ERCC2: variants seen among roughly 807,000 people sequenced by gnomAD.
The protein encoded by ERCC2 is ERCC excision repair 2, TFIIH core complex helicase subunit, also known as general transcription and DNA repair factor IIH helicase subunit XPD.
In ERCC2, 90 loss-of-function variants were observed where a neutral mutation model predicts 99.4. That is an observed-to-expected ratio of 0.91 (90% CI 0.76 to 1.08). The LOEUF is 1.08. Ranked by LOEUF, ERCC2 falls within the 50% of genes least tolerant of loss-of-function variation. ERCC2 has a pLI of 0.00. For synonymous variants in ERCC2, 497 were observed against 432.4 expected, an observed-to-expected ratio of 1.15 and a Z score of -1.85; for missense variants, 993 against 1,038.1, an observed-to-expected ratio of 0.96 and a Z score of 0.60.
At position 45,363,796 on chromosome 19, in the gene ERCC2, G is replaced by A. The variant is rs1972312775; in HGVS notation, c.1065C>T (p.Pro355=). 4 of 1,539,494 alleles carry A rather than the reference G, an allele frequency of 2.6e-6. No individual in the cohort carries two copies. Among genetic ancestry groups the A allele is most frequent in the Non-Finnish European group, 3.5e-6 (4 of 1,148,956 alleles). The part of the protein sequence containing the change: ...RVQHVVQESP[P]AFLSGLAQRV... ...GCTGGGCCAGGCCGCTCAGGAAGGCGGGCGGGCTCTCCTGCACCACATGCT... is the reference window on the plus strand; with the variant it reads ...GCTGGGCCAGGCCGCTCAGGAAGGCAGGCGGGCTCTCCTGCACCACATGCT... Residue 355 remains proline, a synonymous_variant, in exon 11 of 23, where the codon CCC becomes CCT. Transcript: ENST00000391945.
chr19:45,350,987 C>T lies in ERCC2; in HGVS notation c.*642G>A, dbSNP rs771930054. On this transcript the variant is annotated 3_prime_UTR_variant, in exon 23 of 23. Transcript: ENST00000391945. ...GAGCCATGTCACTCAACACACTGAACGTGGATGCTCCAAGGGCTCCTGGGA... is the reference window on the plus strand; with the variant it reads ...GAGCCATGTCACTCAACACACTGAATGTGGATGCTCCAAGGGCTCCTGGGA... 2.1e-5 allele frequency: 34 copies of T among 1,613,998 alleles called. No homozygotes were observed. The highest frequency in any genetic ancestry group is 6.7e-5 in the East Asian group (3 of 44,888).
chr19:45,352,139 G>A, intron 22 of ERCC2, 70 bp downstream of exon 22: 1 of 1,554,216 alleles, frequency 6.4e-7, no homozygotes, highest in African/African-American at 1.4e-5. Context: ...GGAGTGGGGA[G>A]AATCCAAGGG....
chr19:45,351,449 C>A lies in ERCC2; in HGVS notation c.*180G>T. 2.5e-6 allele frequency: 4 copies of A among 1,583,082 alleles called. No homozygotes were observed. The highest frequency in any genetic ancestry group is 3.4e-6 in the Non-Finnish European group (4 of 1,168,018). ...AGAGGGGGTCTATCATCTCCTGGCCCCCCCTTGCCTCTGGGTACCTGGTGG... is the reference window on the plus strand; with the variant it reads ...AGAGGGGGTCTATCATCTCCTGGCCACCCCTTGCCTCTGGGTACCTGGTGG... On this transcript the variant is annotated 3_prime_UTR_variant, in exon 23 of 23. Transcript: ENST00000391945.
At position 45,363,800 on chromosome 19, in the gene ERCC2, G is replaced by A. The variant is rs1972313000; in HGVS notation, c.1061C>T (p.Pro354Leu). ...GGCCAGGCCGCTCAGGAAGGCGGGCGGGCTCTCCTGCACCACATGCTGCAC... is the reference window on the plus strand; with the variant it reads ...GGCCAGGCCGCTCAGGAAGGCGGGCAGGCTCTCCTGCACCACATGCTGCAC... ...LRVQHVVQES[P>L]PAFLSGLAQR... is the part of the protein sequence containing the mutation. Residue 354 changes from proline to leucine, a missense_variant, in exon 11 of 23, where the codon CCG becomes CTG. Pro to Leu is a moderately conservative substitution (Grantham distance 98, BLOSUM62 -3). This residue lies in a region of ERCC2 where 909 missense variants were observed against 930.8 expected (regional missense o/e 0.98). Transcript: ENST00000391945. 5 of 1,539,746 alleles carry A rather than the reference G, an allele frequency of 3.2e-6. No individual in the cohort carries two copies. Among genetic ancestry groups the A allele is most frequent in the Non-Finnish European group, 4.4e-6 (5 of 1,149,128 alleles).
Position 45,350,925 on chromosome 19 carries a change from T to TCATTTCCTCC in ERCC2, c.*694_*703dup, listed in dbSNP as rs1568528484. Reference sequence around the variant, plus strand: ...GGAGGGGGGCCACTCCTGGATTCACTCATTTCCTCCCTGCTGCCCTCTTTG... The same window carrying TCATTTCCTCC: ...GGAGGGGGGCCACTCCTGGATTCACTCATTTCCTCCCATTTCCTCCCTGCTGCCCTCTTTG... On this transcript the variant is annotated 3_prime_UTR_variant, in exon 23 of 23. Transcript: ENST00000391945. The TCATTTCCTCC allele has an allele frequency of 6.2e-7, 1 of 1,610,100 alleles. No homozygotes were observed. The highest frequency in any genetic ancestry group is 8.5e-7 in the Non-Finnish European group (1 of 1,177,092).
chr19:45,353,745 C>T (rs1160780768), intron 17 of ERCC2, among the ~76,000 whole-genome samples: 1 of 152,198 alleles, frequency 6.6e-6, no homozygotes, highest in East Asian at 1.9e-4. Flanking sequence ...CACACAGCCA[C>T]CTGTGCAGTT....
Position 45,353,108 on chromosome 19 carries a change from GC to G in ERCC2, c.1805del (p.Gly602AlafsTer107). Reference protein sequence around the residue: ...RGAILLSVARGKVSEGIDFVH... With the variant: ...RGAILLSVARXKVSEGIDFVH... ...CAAAGTCGATTCCCTCGGACACTTTGCCCCGGGCCACTGACAGCAGGATGGC... is the reference window on the plus strand; with the variant it reads ...CAAAGTCGATTCCCTCGGACACTTTGCCCGGGCCACTGACAGCAGGATGGC... On this transcript the variant is annotated frameshift_variant, in exon 19 of 23. Transcript: ENST00000391945. LOFTEE classifies it high-confidence loss of function. The G allele has an allele frequency of 6.2e-7, 1 of 1,613,408 alleles. No individual in the cohort carries two copies.
At position 45,353,352 on chromosome 19, in the gene ERCC2, G is replaced by A. The variant is rs752320996; in HGVS notation, c.1666-18C>T. ...AGGATCCCCTGGGGAAGGACCCAGGGAGGTCAGGGTGGGTTCAGGGCACAG... is the reference window on the plus strand; with the variant it reads ...AGGATCCCCTGGGGAAGGACCCAGGAAGGTCAGGGTGGGTTCAGGGCACAG... On this transcript the variant is annotated intron_variant, in intron 17 of 22. Coordinates refer to ENST00000391945, the MANE Select transcript of ERCC2 (RefSeq NM_000400.4). 3.7e-5 allele frequency: 60 copies of A among 1,603,512 alleles called. No individual in the cohort carries two copies. Among genetic ancestry groups the A allele is most frequent in the Non-Finnish European group, 4.8e-5 (56 of 1,172,262 alleles).
chr19:45,361,579 G>C lies in ERCC2; in HGVS notation c.1182C>G (p.Phe394Leu), dbSNP rs374391544. Reference sequence around the variant, plus strand: ...AGTTAGCAAGGAGGGTGAGCGGGGAGAAGTCAGCAAGGTCGGTGATCTCCA... The same window carrying C: ...AGTTAGCAAGGAGGGTGAGCGGGGACAAGTCAGCAAGGTCGGTGATCTCCA... ...HTLEITDLAD[F>L]SPLTLLANFA... The change falls in exon 12 of 23, where the codon TTC becomes TTG. Residue 394 changes from phenylalanine to leucine, a missense_variant. Physicochemically the swap from Phe to Leu is conservative, Grantham distance 22. Coordinates refer to ENST00000391945, the MANE Select transcript of ERCC2 (RefSeq NM_000400.4). The C allele has an allele frequency of 3.6e-5, 58 of 1,613,974 alleles. No individual in the cohort carries two copies. The highest frequency in any genetic ancestry group is 4.6e-5 in the Non-Finnish European group (54 of 1,179,966).
At chr19:45,356,836 C>CT (rs1193892266) in intron 15 of ERCC2, among the ~76,000 whole-genome samples, 1 of 152,132 alleles carries the variant, frequency 6.6e-6, no homozygotes, top group African/African-American at 2.4e-5. Context: ...CACATCCAGC[C>CT]TGGGGACTTC....
intron 11 of ERCC2, chr19:45,362,046 C>G: frequency 4.3e-6 from 1 of 232,782 alleles, no homozygotes; most frequent in Non-Finnish European, 8.7e-6. Context: ...CTGCCTCAGC[C>G]TCCCAAGTAG....
In ERCC2 at chr19:45,350,780, A is replaced by G; in HGVS notation, c.*849T>C. 6.4e-7 allele frequency: 1 copy of G among 1,574,750 alleles called. No individual in the cohort carries two copies. Among genetic ancestry groups the G allele is most frequent in the Non-Finnish European group, 8.7e-7 (1 of 1,155,354 alleles). ...TTGATCAGGTCGGCAAAGAGCCCTG[A>G]CATCAGCAGAATCCACAGCCCACCC... is the stretch of plus-strand genomic sequence containing the variant. On this transcript the variant is annotated 3_prime_UTR_variant, in exon 23 of 23. Transcript: ENST00000391945.
chr19:45,362,623 C>T (rs938452587), intron 11 of ERCC2, among the ~76,000 whole-genome samples: 1 of 152,234 alleles, frequency 6.6e-6, no homozygotes, highest in African/African-American at 2.4e-5. Context: ...CCCGGCTGGT[C>T]GCTAGCTGAG....
rs779630929 is a variant in ERCC2 at position 45,351,408 on chromosome 19, A to G, written c.*221T>C. 8.1e-6 allele frequency: 13 copies of G among 1,599,628 alleles called. No homozygotes were observed. In the Admixed American group the frequency reaches 8.4e-5, roughly 10 times the overall value. ...GCTTCTTGGGAACAGTGCAGGAGGG[A>G]TGGGCTGGTGGGGTGAGAGGGGGTC... On this transcript the variant is annotated 3_prime_UTR_variant, in exon 23 of 23. Transcript: ENST00000391945.
In ERCC2 at chr19:45,364,062, C is replaced by A; in HGVS notation, c.873G>T (p.Gly291=). ...LRDEYRRLVE[G]LREASAARET... is the part of the protein sequence containing the mutation. Reference sequence around the variant, plus strand: ...CCCGGGCGGCGCTGGCCTCCCGCAGCCCCTCCACCAGACGCCGGTACTCGT... The same window carrying A: ...CCCGGGCGGCGCTGGCCTCCCGCAGACCCTCCACCAGACGCCGGTACTCGT... Residue 291 remains glycine, a synonymous_variant, in exon 10 of 23, where the codon GGG becomes GGT. Coordinates refer to ENST00000391945, the MANE Select transcript of ERCC2 (RefSeq NM_000400.4). 1 of 1,582,032 alleles carries A rather than the reference C, an allele frequency of 6.3e-7. No homozygotes were observed. The highest frequency in any genetic ancestry group is 1.1e-5 in the South Asian group (1 of 87,638).
Position 45,351,445 on chromosome 19 carries a change from G to C in ERCC2, c.*184C>G, listed in dbSNP as rs933577917. On this transcript the variant is annotated 3_prime_UTR_variant, in exon 23 of 23. Coordinates refer to ENST00000391945, the MANE Select transcript of ERCC2 (RefSeq NM_000400.4). ...GGTGAGAGGGGGTCTATCATCTCCT[G>C]GCCCCCCCTTGCCTCTGGGTACCTG... 6 of 1,585,220 alleles carry C rather than the reference G, an allele frequency of 3.8e-6. No individual in the cohort carries two copies. In the South Asian group the frequency reaches 4.5e-5, roughly 12 times the overall value.
Position 45,353,058 on chromosome 19 carries a change from GGGAGGAAGA to G in ERCC2, c.1831+16_1831+24del. On this transcript the variant is annotated intron_variant, in intron 19 of 22. Transcript: ENST00000391945. ...CCAGAGAGCTCTGGGAAGACACCTG[GGGAGGAAGA>G]GCCCAGTCCACTCACCAAAGTCGAT... 6.2e-7 allele frequency: 1 copy of G among 1,607,350 alleles called. No homozygotes were observed. Among genetic ancestry groups the G allele is most frequent in the Non-Finnish European group, 8.5e-7 (1 of 1,175,852 alleles).
Position 45,351,377 on chromosome 19 carries a change from GCCGCAGCT to G in ERCC2, c.*244_*251del. 6.2e-7 allele frequency: 1 copy of G among 1,608,212 alleles called. No homozygotes were observed. The highest frequency in any genetic ancestry group is 8.5e-7 in the Non-Finnish European group (1 of 1,179,936). ...CACTAACGTCCAGTGAACTGCGCTGGCCGCAGCTTCTTGGGAACAGTGCAGGAGGGATG... is the reference window on the plus strand; with the variant it reads ...CACTAACGTCCAGTGAACTGCGCTGGTCTTGGGAACAGTGCAGGAGGGATG... On this transcript the variant is annotated 3_prime_UTR_variant, in exon 23 of 23. Coordinates refer to ENST00000391945, the MANE Select transcript of ERCC2 (RefSeq NM_000400.4).
At chr19:45,368,768 G>A in intron 4 of ERCC2, 25 bp from the exon 5 acceptor site, 1 of 1,590,742 alleles carries the variant, frequency 6.3e-7, no homozygotes, top group Non-Finnish European at 8.6e-7. Context: ...GGGGGCAGGG[G>A]GAGCTTGTGC....
Sources: gnomAD v4.1 joint callset for allele counts (sites outside exome capture counted in the v4.1 genomes callset) on GRCh38, gnomAD v4.1.1 for gene constraint, gnomAD v4.1.1 regional missense constraint, MANE v1.5 for transcripts, NCBI Gene and HGNC (gene_info 2026-07-23, HGNC 2026-07-21) for gene names.